The following IPO7 variants were observed in gnomAD, a reference collection of about 807,000 sequenced individuals.
The protein encoded by IPO7 is importin 7, also known as importin-7.
In IPO7, 13 loss-of-function variants were observed where a neutral mutation model predicts 136.4. The ratio of observed to expected loss-of-function variants is 0.10; its 90% CI spans 0.06 to 0.15. The LOEUF (loss-of-function observed/expected upper bound fraction) is 0.15. IPO7 is among the 10% of genes least tolerant of loss of function. The probability of loss-of-function intolerance (pLI) is 1.00; values close to 1 mark genes in which losing one functional copy is unlikely to be tolerated. For synonymous variants in IPO7, 403 were observed against 404.4 expected, an observed-to-expected ratio of 1.00 and a Z score of 0.04; for missense variants, 857 against 1,240.6, an observed-to-expected ratio of 0.69 and a Z score of 4.65.
At chr11:9,418,215 G>T (rs1331093905) in intron 6 of IPO7, among the ~76,000 whole-genome samples, 1 of 151,642 alleles carries the variant, frequency 6.6e-6, no homozygotes, top group Non-Finnish European at 1.5e-5. Flanking sequence ...GATTACAGGT[G>T]CCTGTCACCA....
Position 9,438,247 on chromosome 11 carries a change from GTGA to G in IPO7, c.2670_2672del (p.Asp890del), listed in dbSNP as rs745840960. On this transcript the variant is annotated inframe_deletion, in exon 22 of 25. Transcript: ENST00000379719. ...TGCCATGCAGAACATGAGAATGACA[GTGA>G]TGATGATGATGAAGCTGAAGATGAT... 43 of 1,599,192 alleles carry G rather than the reference GTGA, an allele frequency of 2.7e-5. No homozygotes were observed. The highest frequency in any genetic ancestry group is 3.2e-5 in the Non-Finnish European group (37 of 1,167,832).
intron 6 of IPO7, among the ~76,000 whole-genome samples, chr11:9,418,406 T>C (rs1420277612): frequency 1.3e-5 from 2 of 152,168 alleles, no homozygotes; most frequent in Non-Finnish European, 2.9e-5. Context: ...TATTAATATA[T>C]ACTTATTTAA....
In IPO7 at chr11:9,425,220, A is replaced by C; in HGVS notation, c.1293A>C (p.Gly431=). 6.2e-7 allele frequency: 1 copy of C among 1,610,682 alleles called. No individual in the cohort carries two copies. Among genetic ancestry groups the C allele is most frequent in the Non-Finnish European group, 8.5e-7 (1 of 1,177,596 alleles). The part of the protein sequence containing the change: ...EPNADPRKKD[G]ALHMIGSLAE... ...ATGCTGACCCTCGAAAAAAAGATGG[A>C]GCCCTGCATATGATTGGCTCTTTAG... The change falls in exon 12 of 25, where the codon GGA becomes GGC. Residue 431 remains glycine (G), a synonymous_variant. Transcript: ENST00000379719.
At chr11:9,389,351 G>A (rs983761333) in intron 1 of IPO7, among the ~76,000 whole-genome samples, 1 of 152,122 alleles carries the variant, frequency 6.6e-6, no homozygotes, top group Admixed American at 6.6e-5. Flanking sequence ...ACCAGCCGGT[G>A]TTTTTAAATA....
intron 18 of IPO7, among the ~76,000 whole-genome samples, chr11:9,434,105 T>G (rs778631938): frequency 5.9e-5 from 9 of 152,132 alleles, no homozygotes; most frequent in Admixed American, 1.3e-4. Context: ...GTATTTTTAG[T>G]AGAGACAGAG....
chr11:9,393,927 A>G (rs1156958242), intron 1 of IPO7, among the ~76,000 whole-genome samples: 2 of 151,832 alleles, frequency 1.3e-5, no homozygotes, highest in Non-Finnish European at 2.9e-5. Flanking sequence ...TCTGTCTCCC[A>G]GCTGTAGTGC....
At position 9,408,614 on chromosome 11, in the gene IPO7, A is replaced by G. The variant is rs1419485900; in HGVS notation, c.295A>G (p.Ile99Val). The change falls in exon 3 of 25, where the codon ATT becomes GTT. Residue 99 changes from isoleucine to valine, a missense_variant. Physicochemically the swap from Ile to Val is conservative, Grantham distance 29 (BLOSUM62 3). Transcript: ENST00000379719. ...HCIRENIVEAIIHSPELIRVQ... is the reference protein window; with the variant it reads ...HCIRENIVEAVIHSPELIRVQ... ...TATTCGAGAAAATATTGTAGAAGCC[A>G]TTATCCATTCTCCTGAGCTCATCAG... is the stretch of plus-strand genomic sequence containing the variant. 2 of 1,606,968 alleles carry G rather than the reference A, an allele frequency of 1.2e-6. No homozygotes were observed.
chr11:9,390,358 A>G (rs1221579991), intron 1 of IPO7, among the ~76,000 whole-genome samples: 1 of 151,542 alleles, frequency 6.6e-6, no homozygotes, highest in Non-Finnish European at 1.5e-5. Context: ...AAGGTTAACT[A>G]TTACTGCTGT....
Position 9,392,028 on chromosome 11 carries a change from T to C in IPO7, c.84+7181T>C, listed in dbSNP as rs1310800796. Reference sequence around the variant, plus strand: ...CAGGTGCGAGTCACTGCACTTGGCTTATTACTGTTTTTTTAACAAAGGCAG... The same window carrying C: ...CAGGTGCGAGTCACTGCACTTGGCTCATTACTGTTTTTTTAACAAAGGCAG... On this transcript the variant is annotated intron_variant, in intron 1 of 24. Transcript: ENST00000379719. Among the ~76,000 whole-genome samples, 4 of 152,170 alleles carry C rather than the reference T, an allele frequency of 2.6e-5. No homozygotes were observed. The East Asian group carries it at 7.7e-4, about 29-fold the overall frequency.
At chr11:9,432,870 C>T (rs1168277524) in intron 16 of IPO7, among the ~76,000 whole-genome samples, 6 of 152,014 alleles carry the variant, frequency 3.9e-5, no homozygotes, top group East Asian at 1.9e-4. Flanking sequence ...TATTGAGATT[C>T]GTAGCAATAA....
intron 1 of IPO7, among the ~76,000 whole-genome samples, chr11:9,386,227 A>G (rs1462122966): frequency 2.0e-5 from 3 of 152,218 alleles, no homozygotes; most frequent in Non-Finnish European, 4.4e-5. Context: ...TTTATATGTA[A>G]ATGAGATCAT....
At chr11:9,392,171 CTTTTTTTTT>C (rs59866244) in intron 1 of IPO7, 17 of 185,064 alleles carry the variant, frequency 9.2e-5, no homozygotes, top group Non-Finnish European at 1.3e-4. Flanking sequence ...TTGTCAAATT[CTTTTTTTTT>C]TTTTTTTTTT....
Position 9,437,777 on chromosome 11 carries a change from A to T in IPO7, c.2292A>T (p.Ala764=). The stretch of plus-strand genomic sequence containing the variant: ...AGTGCATTCCCTTATTCGTGGAAGC[A>T]GCCTTAGAAAGACTGACAAGAGAGG... ...IDQCIPLFVE[A]ALERLTREVK... The change falls in exon 21 of 25, where the codon GCA becomes GCT. Residue 764 remains alanine (A), a synonymous_variant. Coordinates refer to ENST00000379719, the MANE Select transcript of IPO7 (RefSeq NM_006391.3). 3 of 1,613,756 alleles carry T rather than the reference A, an allele frequency of 1.9e-6. No individual in the cohort carries two copies. The highest frequency in any genetic ancestry group is 2.5e-6 in the Non-Finnish European group (3 of 1,179,736).
chr11:9,420,275 A>G (rs1246068298), intron 6 of IPO7, 136 bp from the exon 7 acceptor site: 9 of 590,882 alleles, frequency 1.5e-5, no homozygotes, highest in Non-Finnish European at 2.4e-5. Context: ...TGAGATGGCA[A>G]TAGAGCAAGA....
intron 1 of IPO7, among the ~76,000 whole-genome samples, chr11:9,398,670 A>G (rs1020207254): frequency 6.6e-6 from 1 of 152,238 alleles, no homozygotes; most frequent in African/African-American, 2.4e-5. Context: ...GTATACAACA[A>G]CGTAATGATC....
Position 9,425,130 on chromosome 11 carries a change from T to C in IPO7, c.1219-16T>C. 2.6e-6 allele frequency: 4 copies of C among 1,516,366 alleles called. No individual in the cohort carries two copies. The highest frequency in any genetic ancestry group is 3.7e-6 in the Non-Finnish European group (4 of 1,093,054). The allele number at this position is 1,516,366 out of a possible 1,614,324, so 93.9% of individuals were successfully genotyped here. A position where few individuals can be genotyped will look rare whatever the true frequency, so the allele number is the denominator to read the frequency against. On this transcript the variant is annotated splice_polypyrimidine_tract_variant and intron_variant, in intron 11 of 24. Coordinates refer to ENST00000379719, the MANE Select transcript of IPO7 (RefSeq NM_006391.3). ...GTTGGCCTATTCAGTAACAATACTT[T>C]TCTCTTTTAATCTAGGTACTGCAAA...
chr11:9,428,006 G>A (rs748780665), intron 12 of IPO7, among the ~76,000 whole-genome samples: 1 of 152,050 alleles, frequency 6.6e-6, no homozygotes, highest in Non-Finnish European at 1.5e-5. Flanking sequence ...TACTCACTTT[G>A]AATACTGAGA....
At chr11:9,418,485 A>G (rs1855075245) in intron 6 of IPO7, among the ~76,000 whole-genome samples, 1 of 152,198 alleles carries the variant, frequency 6.6e-6, no homozygotes. Flanking sequence ...ATCCAATATA[A>G]TATTGTTAAT....
chr11:9,386,914 C>T (rs1225527014), intron 1 of IPO7, among the ~76,000 whole-genome samples: 2 of 152,148 alleles, frequency 1.3e-5, no homozygotes, highest in African/African-American at 4.8e-5. Flanking sequence ...TCAATTATAA[C>T]ACCTAGATTT....
Sources: allele counts gnomAD v4.1 joint callset (sites outside exome capture counted in the v4.1 genomes callset), GRCh38; gene constraint gnomAD v4.1.1; transcripts MANE v1.5; gene names NCBI Gene and HGNC (gene_info 2026-07-23, HGNC 2026-07-21).